Variants in ACVR1 observed in about 807,000 individuals in gnomAD.
ACVR1 encodes the protein activin A receptor type 1.
A neutral mutation model predicts 57.1 loss-of-function variants in ACVR1; 38 were observed. That is an observed-to-expected ratio of 0.67 (90% CI 0.51 to 0.87). The LOEUF is 0.87. Among genes scored for constraint, ACVR1 ranks in the 40% least tolerant of loss-of-function variants. The pLI, the probability that ACVR1 is intolerant of heterozygous loss-of-function variation, is 0.00. For synonymous variants in ACVR1, 212 were observed against 228.1 expected (o/e 0.93, Z 0.63); for missense variants, 463 against 638.2 (o/e 0.73, Z 2.96).
At chr2:157,780,875 T>A (rs1686493085) in intron 3 of ACVR1, among the ~76,000 whole-genome samples, 1 of 152,192 alleles carries the variant, frequency 6.6e-6, no homozygotes, top group African/African-American at 2.4e-5. Context: ...TCCACAGACT[T>A]CTGAAAATGA....
intron 8 of ACVR1, 61 bp downstream of exon 8, chr2:157,765,860 T>C (rs760875553): frequency 1.9e-6 from 3 of 1,562,138 alleles, no homozygotes; most frequent in Non-Finnish European, 2.6e-6. Context: ...GAGATGCAAC[T>C]CACCTAACCA....
At chr2:157,827,774 A>G (rs1384326810) in intron 1 of ACVR1, among the ~76,000 whole-genome samples, 1 of 152,144 alleles carries the variant, frequency 6.6e-6, no homozygotes, top group Non-Finnish European at 1.5e-5. Context: ...GGAGTCATCC[A>G]GGTCGATGGA....
chr2:157,825,875 T>A (rs1474950473), intron 1 of ACVR1, among the ~76,000 whole-genome samples: 1 of 152,054 alleles, frequency 6.6e-6, no homozygotes, highest in African/African-American at 2.4e-5. Context: ...CTTCTTCCAT[T>A]CCCCCAACAC....
At chr2:157,848,271 A>G (rs1689185678) in intron 1 of ACVR1, among the ~76,000 whole-genome samples, 2 of 152,268 alleles carry the variant, frequency 1.3e-5, no homozygotes, top group South Asian at 4.2e-4. Flanking sequence ...AGCTTCCAGA[A>G]CCAGATCTTA....
intron 1 of ACVR1, among the ~76,000 whole-genome samples, chr2:157,855,576 G>C (rs906117375): frequency 6.6e-6 from 1 of 151,934 alleles, no homozygotes; most frequent in Non-Finnish European, 1.5e-5. Context: ...TTAAATCAAA[G>C]CACCTTCCCT....
intron 1 of ACVR1, among the ~76,000 whole-genome samples, chr2:157,871,356 G>T (rs1275253249): frequency 1.3e-5 from 2 of 152,162 alleles, no homozygotes; most frequent in Non-Finnish European, 2.9e-5. Context: ...GGGAGTGAGG[G>T]GCAATGCAGA....
In ACVR1 at chr2:157,852,457, A is replaced by G. The variant is rs566673949; in HGVS notation, c.-183+23339T>C. Among the ~76,000 whole-genome samples, 8 of 150,604 alleles carry G rather than the reference A, an allele frequency of 5.3e-5. No individual in the cohort carries two copies. The South Asian group carries it at 1.5e-3, about 28-fold the overall frequency. On this transcript the variant is annotated intron_variant, in intron 1 of 10. Coordinates refer to ENST00000434821, the MANE Select transcript of ACVR1 (RefSeq NM_001111067.4). ...GACTGCAGTGAACAGAGGTCATGCC[A>G]CTGTACTATACAGCCTGGATGACAG...
chr2:157,841,539 C>G (rs1688975047), intron 1 of ACVR1, among the ~76,000 whole-genome samples: 1 of 152,132 alleles, frequency 6.6e-6, no homozygotes, highest in Non-Finnish European at 1.5e-5. Context: ...CTTAAACTTA[C>G]AGTTAAAGAT....
intron 1 of ACVR1, among the ~76,000 whole-genome samples, chr2:157,828,601 G>T (rs1271013582): frequency 1.3e-5 from 2 of 152,080 alleles, no homozygotes; most frequent in East Asian, 1.9e-4. Flanking sequence ...GCAACAGAGG[G>T]ATAGCAAAAC....
At chr2:157,813,900 C>A (rs1040515885) in intron 2 of ACVR1, among the ~76,000 whole-genome samples, 2 of 152,132 alleles carry the variant, frequency 1.3e-5, no homozygotes, top group Non-Finnish European at 2.9e-5. Context: ...TCTAAAAAAA[C>A]CCCACATGAC....
At chr2:157,821,494 C>G (rs551511256) in intron 1 of ACVR1, among the ~76,000 whole-genome samples, 6 of 151,674 alleles carry the variant, frequency 4.0e-5, no homozygotes, top group African/African-American at 1.5e-4. Context: ...CCACTGCACT[C>G]CAGCCTGGGG....
intron 2 of ACVR1, among the ~76,000 whole-genome samples, chr2:157,802,452 C>T (rs1301619441): frequency 6.6e-6 from 1 of 152,132 alleles, no homozygotes; most frequent in African/African-American, 2.4e-5. Context: ...ACTCTAGGCA[C>T]TCTACTCACC....
chr2:157,773,962 A>G lies in ACVR1; in HGVS notation c.643+126T>C, dbSNP rs1686170769. 8 of 772,924 alleles carry G rather than the reference A, an allele frequency of 1.0e-5. No individual in the cohort carries two copies. In the Admixed American group the frequency reaches 1.5e-4, roughly 15 times the overall value. The allele number at this position is 772,924 out of a possible 1,614,324, so 47.9% of individuals were successfully genotyped here. On this transcript the variant is annotated intron_variant, in intron 6 of 10. Coordinates refer to ENST00000434821, the MANE Select transcript of ACVR1 (RefSeq NM_001111067.4). ...ACATTAGTCATACAGAATAGAGACC[A>G]CATCTCATAAGTTTAATAAGGAAAC...
At chr2:157,774,421 A>G (rs901103339) in intron 5 of ACVR1, among the ~76,000 whole-genome samples, 4 of 152,168 alleles carry the variant, frequency 2.6e-5, no homozygotes, top group East Asian at 1.9e-4. Flanking sequence ...CTGCAGTTCA[A>G]TGGCGCAATC....
chr2:157,830,971 G>C (rs1371040051), intron 1 of ACVR1, among the ~76,000 whole-genome samples: 1 of 152,136 alleles, frequency 6.6e-6, no homozygotes, highest in Non-Finnish European at 1.5e-5. Context: ...TCACTCTGTT[G>C]CTCAAGTTGG....
chr2:157,763,012 T>C (rs1685720623), intron 8 of ACVR1, among the ~76,000 whole-genome samples: 1 of 152,192 alleles, frequency 6.6e-6, no homozygotes, highest in Non-Finnish European at 1.5e-5. Flanking sequence ...ATCTGTGTTG[T>C]TTTAAGATGC....
At chr2:157,866,787 CATT>C (rs1689954090) in intron 1 of ACVR1, among the ~76,000 whole-genome samples, 2 of 152,182 alleles carry the variant, frequency 1.3e-5, no homozygotes, top group Admixed American at 1.3e-4. Context: ...TTCGGATAAA[CATT>C]TGATTTATTT....
At chr2:157,854,032 C>A (rs1193878134) in intron 1 of ACVR1, among the ~76,000 whole-genome samples, 1 of 152,152 alleles carries the variant, frequency 6.6e-6, no homozygotes, top group Non-Finnish European at 1.5e-5. Flanking sequence ...ACTGTAATCA[C>A]TGATTTACGT....
intron 1 of ACVR1, among the ~76,000 whole-genome samples, chr2:157,863,434 C>T (rs1003252792): frequency 6.2e-5 from 8 of 129,602 alleles, no homozygotes; most frequent in Non-Finnish European, 1.1e-4. Context: ...CAGTGGCTCA[C>T]GCCTGTAATC....
Sources: gnomAD v4.1 joint callset for allele counts (sites outside exome capture counted in the v4.1 genomes callset) on GRCh38, gnomAD v4.1.1 for gene constraint, MANE v1.5 for transcripts, NCBI Gene and HGNC (gene_info 2026-07-23, HGNC 2026-07-21) for gene names.